The following PLEKHG1 variants were observed in gnomAD, a reference collection of about 807,000 sequenced individuals.
PLEKHG1 encodes the protein pleckstrin homology domain-containing family G member 1.
PLEKHG1 carries 44 observed loss-of-function variants against 100.8 expected under a neutral mutation model. The observed-to-expected ratio is 0.44, with a 90% confidence interval of 0.34 to 0.56. The LOEUF is 0.56. Ranked by LOEUF, PLEKHG1 falls within the 20% of genes least tolerant of loss-of-function variation. PLEKHG1 has a pLI of 0.01. For synonymous variants in PLEKHG1, 640 were observed against 662.5 expected, an observed-to-expected ratio of 0.97 and a Z score of 0.52; for missense variants, 1,545 against 1,720.9, an observed-to-expected ratio of 0.90 and a Z score of 1.81.
rs955582576 is a variant in PLEKHG1, at chr6:150,723,846, A to C, written c.-99+2646A>C. On this transcript the variant is annotated intron_variant, in intron 1 of 15. Transcript: ENST00000358517. Reference sequence around the variant, plus strand: ...GCAAGAATTCAGGAAAGGCTGTGCTAGGTGATTCTGGCTTGGGGACCGTCA... The same window carrying C: ...GCAAGAATTCAGGAAAGGCTGTGCTCGGTGATTCTGGCTTGGGGACCGTCA... Among the ~76,000 whole-genome samples, 22 of 152,232 alleles carry C rather than the reference A, an allele frequency of 1.4e-4. 1 individual carries two copies. Among genetic ancestry groups the C allele is most frequent in the African/African-American group, 5.3e-4 (22 of 41,462 alleles).
intron 2 of PLEKHG1, among the ~76,000 whole-genome samples, chr6:150,738,082 G>A (rs1782671126): frequency 6.6e-6 from 1 of 151,918 alleles, no homozygotes; most frequent in Non-Finnish European, 1.5e-5. Context: ...CCAAAATGGT[G>A]AGCTTACAGG....
intron 11 of PLEKHG1, among the ~76,000 whole-genome samples, chr6:150,819,011 A>G (rs545572028): frequency 2.0e-5 from 3 of 152,206 alleles, no homozygotes; most frequent in Admixed American, 1.3e-4. Flanking sequence ...TGAGGCTCCC[A>G]TCTCGCATCC....
chr6:150,726,875 C>T, intron 1 of PLEKHG1, among the ~76,000 whole-genome samples: 1 of 152,160 alleles, frequency 6.6e-6, no homozygotes, highest in East Asian at 1.9e-4. Context: ...CCTCAAATAC[C>T]TAGTGTCATC....
chr6:150,725,810 A>C (rs1781935073), intron 1 of PLEKHG1, among the ~76,000 whole-genome samples: 1 of 146,268 alleles, frequency 6.8e-6, no homozygotes. Flanking sequence ...TCATATTTTT[A>C]GGTCTTAATG....
chr6:150,633,254 G>A (rs1052433245), intron 1 of PLEKHG1: 3 of 152,518 alleles, frequency 2.0e-5, no homozygotes, highest in Middle Eastern at 3.4e-3. Context: ...CCGTCCTGAC[G>A]GAAGTCATGA....
intron 4 of PLEKHG1, among the ~76,000 whole-genome samples, chr6:150,792,153 C>T (rs1392545162): frequency 3.9e-5 from 6 of 152,058 alleles, no homozygotes. Context: ...AAAAAAACAC[C>T]ACTTCCTATC....
At chr6:150,827,796 G>C in intron 14 of PLEKHG1, 1 of 1,436,170 alleles carries the variant, frequency 7.0e-7, no homozygotes, top group Non-Finnish European at 9.8e-7. Context: ...GCAGTCAGTG[G>C]TGAAAACATA....
chr6:150,688,903 A>G (rs1407289386), intron 3 of PLEKHG1, among the ~76,000 whole-genome samples: 2 of 152,198 alleles, frequency 1.3e-5, no homozygotes, highest in Admixed American at 6.5e-5. Context: ...AAAATTTGCC[A>G]TTTTAACCAT....
intron 1 of PLEKHG1, among the ~76,000 whole-genome samples, chr6:150,727,283 G>A (rs1782006300): frequency 1.3e-5 from 2 of 152,128 alleles, no homozygotes; most frequent in African/African-American, 2.4e-5. Flanking sequence ...GTTTCTCCTT[G>A]GGAGTTGTAG....
chr6:150,817,962 G>A (rs1364746442), intron 10 of PLEKHG1, among the ~76,000 whole-genome samples: 1 of 152,134 alleles, frequency 6.6e-6, no homozygotes, highest in East Asian at 1.9e-4. Flanking sequence ...TGGGGGTGCA[G>A]TCTTAGCTCC....
chr6:150,763,327 G>A (rs187234348), intron 2 of PLEKHG1, among the ~76,000 whole-genome samples: 5 of 152,128 alleles, frequency 3.3e-5, no homozygotes, highest in African/African-American at 4.8e-5. Flanking sequence ...CACCGTGCCC[G>A]GGCCTTAACC....
intron 1 of PLEKHG1, among the ~76,000 whole-genome samples, chr6:150,620,282 G>C (rs1221665974): frequency 6.6e-6 from 1 of 152,196 alleles, no homozygotes; most frequent in Non-Finnish European, 1.5e-5. Context: ...CACTGGCCCT[G>C]GGCAGGGAGC....
intron 5 of PLEKHG1, among the ~76,000 whole-genome samples, chr6:150,799,513 C>G (rs993497707): frequency 9.2e-5 from 14 of 152,184 alleles, no homozygotes; most frequent in African/African-American, 2.7e-4. Flanking sequence ...GCTCAGCATG[C>G]TCCTAATTTG....
chr6:150,738,022 CAG>C (rs1177669295), intron 2 of PLEKHG1, among the ~76,000 whole-genome samples: 1 of 151,382 alleles, frequency 6.6e-6, no homozygotes, highest in Non-Finnish European at 1.5e-5. Flanking sequence ...ATATGTTGTC[CAG>C]GCTGGTCTCA....
chr6:150,634,795 C>T (rs902120701), intron 1 of PLEKHG1, among the ~76,000 whole-genome samples: 2 of 152,140 alleles, frequency 1.3e-5, no homozygotes, highest in Admixed American at 6.5e-5. Context: ...CTTGGAGATA[C>T]GTCATCATTT....
At position 150,610,783 on chromosome 6, in the gene PLEKHG1, T is replaced by C. The variant is rs140560848; in HGVS notation, c.-204+10766T>C. On this transcript the variant is annotated intron_variant, in intron 1 of 3. Coordinates refer to the PLEKHG1 transcript ENST00000367326. Reference sequence around the variant, plus strand: ...TCAAGTAACTCCATTGGTTTAAAGGTTTTATAGGTCTATAATAAATGTGGG... The same window carrying C: ...TCAAGTAACTCCATTGGTTTAAAGGCTTTATAGGTCTATAATAAATGTGGG... 5.0e-3 allele frequency among the ~76,000 whole-genome samples: 759 copies of C among 152,328 alleles called. 7 individuals carry two copies. Among genetic ancestry groups the C allele is most frequent in the African/African-American group, 0.018 (730 of 41,580 alleles).
intron 3 of PLEKHG1, among the ~76,000 whole-genome samples, chr6:150,668,485 A>T (rs1779482884): frequency 6.6e-6 from 1 of 152,206 alleles, no homozygotes; most frequent in African/African-American, 2.4e-5. Flanking sequence ...AAGTGTACTC[A>T]TATTAAATGT....
chr6:150,621,934 C>T (rs116339286), intron 1 of PLEKHG1, among the ~76,000 whole-genome samples: 2,251 of 152,242 alleles, frequency 0.015, 53 homozygotes, highest in African/African-American at 0.047. Flanking sequence ...TACCGTGTTG[C>T]GTCCAGAACT....
intron 2 of PLEKHG1, among the ~76,000 whole-genome samples, chr6:150,750,779 T>TAAAA (rs1783468262): frequency 2.3e-5 from 1 of 43,612 alleles, no homozygotes; most frequent in Non-Finnish European, 3.2e-5. Flanking sequence ...AGACTCCATC[T>TAAAA]CAAAAAAAAA....
Sources: allele counts gnomAD v4.1 joint callset (sites outside exome capture counted in the v4.1 genomes callset), GRCh38; gene constraint gnomAD v4.1.1; transcripts MANE v1.5; gene names NCBI Gene and HGNC (gene_info 2026-07-23, HGNC 2026-07-21).